GRID2IP: variants seen among roughly 807,000 people sequenced by gnomAD.
GRID2IP encodes the protein Grid2 interacting protein.
In GRID2IP, 78 loss-of-function variants were observed where a neutral mutation model predicts 114.3. The observed-to-expected ratio is 0.68, with a 90% confidence interval of 0.57 to 0.82. The LOEUF (loss-of-function observed/expected upper bound fraction) is 0.82. Among genes scored for constraint, GRID2IP ranks in the 40% least tolerant of loss-of-function variants. The pLI, the probability that GRID2IP is intolerant of heterozygous loss-of-function variation, is 0.00. For missense variants in GRID2IP, 1,727 were observed against 1,678.5 expected (o/e 1.03, Z -0.51); for synonymous variants, 809 against 724.0 (o/e 1.12, Z -1.89).
Position 6,526,464 on chromosome 7 carries a change from G to A in GRID2IP, c.833+57C>T. The A allele has an allele frequency of 7.0e-7, 1 of 1,425,946 alleles. No individual in the cohort carries two copies. The highest frequency in any genetic ancestry group is 2.6e-5 in the East Asian group (1 of 37,926). 88.3% of individuals were successfully genotyped at this position (1,425,946 alleles called of 1,614,324 possible). On this transcript the variant is annotated intron_variant, in intron 3 of 21. Transcript: ENST00000457091. This position sits in a 1 kb window ranked among gnomAD's most constrained non-coding sequence, Gnocchi z 7.6. ...CCCTACGCCCTCTCCCCGGGTCTCG[G>A]TCCCGAGCCCACCCGCAGGGAGGCG...
At chr7:6,504,733 G>A (rs960524464) in intron 15 of GRID2IP, 60 bp downstream of exon 15, 1 of 1,321,836 alleles carries the variant, frequency 7.6e-7, no homozygotes, top group Admixed American at 2.0e-5. Context: ...GCAGGTCTGA[G>A]GCCCAGAGAA....
rs1779374372 is a variant in GRID2IP, at chr7:6,519,573, C to T, written c.1268+1005G>A. Among the ~76,000 whole-genome samples, 1 of 151,962 alleles carries T rather than the reference C, an allele frequency of 6.6e-6. No individual in the cohort carries two copies. Among genetic ancestry groups the T allele is most frequent in the African/African-American group, 2.4e-5 (1 of 41,402 alleles). On this transcript the variant is annotated intron_variant, in intron 7 of 21. Transcript: ENST00000457091. This position sits in a 1 kb window ranked among gnomAD's most constrained non-coding sequence, Gnocchi z 4.1. ...GGGAGTTTGAGACCAGCCTGACCAA[C>T]ATGGAGAAACCCTATCTCTACTAAA...
intron 20 of GRID2IP, among the ~76,000 whole-genome samples, chr7:6,500,413 G>T (rs563549370): frequency 1.3e-5 from 2 of 152,132 alleles, no homozygotes; most frequent in Non-Finnish European, 2.9e-5. Context: ...GCAGTGAGCC[G>T]AGATCGCACC....
At chr7:6,544,622 T>A (rs1286112975) in intron 1 of GRID2IP, among the ~76,000 whole-genome samples, 1 of 152,018 alleles carries the variant, frequency 6.6e-6, no homozygotes, top group Non-Finnish European at 1.5e-5. Context: ...CCCTGCAGCT[T>A]ATATAAATGT....
At chr7:6,498,293 C>T (rs558364620) in intron 20 of GRID2IP, 65 bp from the exon 21 acceptor site, 9 of 1,434,430 alleles carry the variant, frequency 6.3e-6, no homozygotes, top group East Asian at 5.0e-5. Context: ...GGTGGTGGCC[C>T]GACAGACAGG....
At position 6,503,013 on chromosome 7, in the gene GRID2IP, G is replaced by A. The variant is rs999200630; in HGVS notation, c.3058C>T (p.Leu1020=). The A allele has an allele frequency of 6.4e-7, 1 of 1,551,532 alleles. No homozygotes were observed. The highest frequency in any genetic ancestry group is 2.0e-5 in the Admixed American group (1 of 51,000). The stretch of plus-strand genomic sequence containing the variant: ...GGAAGGGTACGCCCACTGACCTCCA[G>A]GATCTTGGCGAGCTTCCGACTGTTT... ...LKNSRKLAKI[L]EFVLAMGNYL... Residue 1020 remains leucine (L), a synonymous_variant, in exon 17 of 22, where the codon CTG becomes TTG. Coordinates refer to ENST00000457091, the MANE Select transcript of GRID2IP (RefSeq NM_001145118.2).
chr7:6,513,690 T>A (rs953050776), intron 8 of GRID2IP, among the ~76,000 whole-genome samples: 8 of 152,204 alleles, frequency 5.3e-5, no homozygotes, highest in Non-Finnish European at 8.8e-5. Context: ...GGAAGGCGCG[T>A]CCGTGGGGCC....
intron 4 of GRID2IP, among the ~76,000 whole-genome samples, 153 bp from the exon 5 acceptor site, chr7:6,522,110 G>A (rs1192966953): frequency 2.0e-5 from 3 of 152,142 alleles, no homozygotes; most frequent in South Asian, 2.1e-4. Flanking sequence ...AGCACTTTGG[G>A]AGGCCAAGGC....
rs764791357 is a variant in GRID2IP at position 6,513,913 on chromosome 7, A to G, written c.1423+462T>C. Among the ~76,000 whole-genome samples, 26 of 131,572 alleles carry G rather than the reference A, an allele frequency of 2.0e-4. 1 individual carries two copies. The highest frequency in any genetic ancestry group is 9.5e-4 in the South Asian group (4 of 4,190). 86.3% of individuals were successfully genotyped at this position (131,572 alleles called of 152,430 possible). The stretch of plus-strand genomic sequence containing the variant: ...CGGTGAGCCATGATGGCACCACGAC[A>G]CTCCAGCCTGGGCGACAGAGCAAGA... On this transcript the variant is annotated intron_variant, in intron 8 of 21. Coordinates refer to ENST00000457091, the MANE Select transcript of GRID2IP (RefSeq NM_001145118.2).
chr7:6,538,470 G>T (rs1460886230), intron 2 of GRID2IP, among the ~76,000 whole-genome samples: 3 of 151,844 alleles, frequency 2.0e-5, no homozygotes, highest in Non-Finnish European at 4.4e-5. Flanking sequence ...GGGAAGCTGA[G>T]GTGGGTGAAT....
At chr7:6,511,494 T>C (rs1779159417) in intron 8 of GRID2IP, among the ~76,000 whole-genome samples, 1 of 152,018 alleles carries the variant, frequency 6.6e-6, no homozygotes, top group Admixed American at 6.6e-5. Flanking sequence ...TGCCTCAGCC[T>C]CCCAAGTAGC....
At chr7:6,533,400 C>A (rs1230328023) in intron 2 of GRID2IP, among the ~76,000 whole-genome samples, 1 of 152,118 alleles carries the variant, frequency 6.6e-6, no homozygotes, top group African/African-American at 2.4e-5. Context: ...ACTCTGTCAC[C>A]CAGGCTGGAG....
chr7:6,503,778 G>A, intron 15 of GRID2IP, 91 bp from the exon 16 acceptor site: 9 of 920,786 alleles, frequency 9.8e-6, no homozygotes, highest in South Asian at 1.9e-5. Flanking sequence ...GGCGGGGAGA[G>A]GGCGGACACG....
chr7:6,540,098 C>G (rs1159778740), intron 1 of GRID2IP, among the ~76,000 whole-genome samples: 1 of 148,282 alleles, frequency 6.7e-6, no homozygotes, highest in South Asian at 2.3e-4. Flanking sequence ...CCTCCCCTCC[C>G]CTCCCCTCCC....
chr7:6,524,978 A>G lies in GRID2IP; in HGVS notation c.919+1246T>C, dbSNP rs182557884. Among the ~76,000 whole-genome samples, 311 of 151,792 alleles carry G rather than the reference A, an allele frequency of 2.0e-3. 8 individuals are homozygous for G. Among genetic ancestry groups the G allele is most frequent in the Admixed American group, 0.014 (213 of 15,270 alleles). ...CGTGATCCACCTGCCTTGGCCTCCT[A>G]AAATGCTGCCCCGGCCAACCTCATC... On this transcript the variant is annotated intron_variant, in intron 4 of 21. Coordinates refer to ENST00000457091, the MANE Select transcript of GRID2IP (RefSeq NM_001145118.2).
chr7:6,531,179 G>A (rs950588149), intron 2 of GRID2IP: 14 of 484,096 alleles, frequency 2.9e-5, no homozygotes, highest in Non-Finnish European at 4.7e-5. Context: ...CGAGCGCGCC[G>A]CGACTCCACG....
chr7:6,512,231 C>CTTTTTTTTTTGTTTTT (rs1779186854), intron 8 of GRID2IP, among the ~76,000 whole-genome samples: 1 of 90,196 alleles, frequency 1.1e-5, no homozygotes, highest in African/African-American at 4.6e-5. Flanking sequence ...TTCTTTTCTT[C>CTTTTTTTTTTGTTTTT]TTTTTTTTTT....
At position 6,504,842 on chromosome 7, in the gene GRID2IP, C is replaced by G; in HGVS notation, c.2661G>C (p.Arg887=). The G allele has an allele frequency of 6.4e-7, 1 of 1,551,428 alleles. No homozygotes were observed. The highest frequency in any genetic ancestry group is 8.7e-7 in the Non-Finnish European group (1 of 1,146,858). ...AKPVPGPEPF[R]KKEVVEILSH... Reference sequence around the variant, plus strand: ...ACAGGATCTCCACCACCTCCTTCTTCCGGAAGGGCTCCGGCCCCGGCACCG... The same window carrying G: ...ACAGGATCTCCACCACCTCCTTCTTGCGGAAGGGCTCCGGCCCCGGCACCG... The change falls in exon 15 of 22, where the codon CGG becomes CGC. Residue 887 remains arginine (R), a synonymous_variant. Coordinates refer to ENST00000457091, the MANE Select transcript of GRID2IP (RefSeq NM_001145118.2).
chr7:6,526,690 G>T lies in GRID2IP; in HGVS notation c.664C>A (p.Arg222Ser). 2.0e-6 allele frequency: 3 copies of T among 1,486,674 alleles called. No homozygotes were observed. The highest frequency in any genetic ancestry group is 2.4e-5 in the Admixed American group (1 of 42,514). The allele number at this position is 1,486,674 out of a possible 1,614,324, so 92.1% of individuals were successfully genotyped here. A position where few individuals can be genotyped will look rare whatever the true frequency, so the allele number is the denominator to read the frequency against. The change falls in exon 3 of 22, where the codon CGC becomes AGC. Residue 222 changes from arginine (R) to serine (S), a missense_variant. Transcript: ENST00000457091. The surrounding 1 kb of genome is among the most constrained non-coding windows in gnomAD (Gnocchi z 7.6). Reference protein sequence around the residue: ...QGLLGKLCRARRAQGAQRLRR... With the variant: ...QGLLGKLCRASRAQGAQRLRR... ...AGTCGCTGCGCGCCCTGGGCCCGGCGTGCGCGGCACAGCTTGCCCAGGAGG... is the reference window on the plus strand; with the variant it reads ...AGTCGCTGCGCGCCCTGGGCCCGGCTTGCGCGGCACAGCTTGCCCAGGAGG...
Sources: allele counts gnomAD v4.1 joint callset (sites outside exome capture counted in the v4.1 genomes callset), GRCh38; gene constraint gnomAD v4.1.1; non-coding constraint Gnocchi (gnomAD v3.1); transcripts MANE v1.5; gene names NCBI Gene and HGNC (gene_info 2026-07-23, HGNC 2026-07-21).